Variants in PPP6R3 observed in about 807,000 individuals in gnomAD.
PPP6R3 encodes serine/threonine-protein phosphatase 6 regulatory subunit 3.
Under a neutral mutation model 110.7 loss-of-function variants are expected in PPP6R3, and 38 were observed. The ratio of observed to expected loss-of-function variants is 0.34; its 90% confidence interval spans 0.26 to 0.45. The LOEUF (loss-of-function observed/expected upper bound fraction) is 0.45. Among genes scored for constraint, PPP6R3 ranks in the 20% least tolerant of loss-of-function variants. PPP6R3 has a pLI of 1.00. For missense variants in PPP6R3, 870 were observed against 1,062.4 expected (o/e 0.82, Z 2.52); for synonymous variants, 369 against 373.5 (o/e 0.99, Z 0.14).
intron 10 of PPP6R3, 55 bp downstream of exon 10, chr11:68,567,221 A>G (rs1228513262): frequency 3.1e-5 from 45 of 1,469,920 alleles, no homozygotes; most frequent in South Asian, 5.6e-5. Context: ...TTTCATGGAT[A>G]TTTAACCAAG....
intron 3 of PPP6R3, among the ~76,000 whole-genome samples, chr11:68,541,945 C>G (rs1199871113): frequency 1.3e-5 from 2 of 151,912 alleles, no homozygotes; most frequent in Non-Finnish European, 2.9e-5. Flanking sequence ...AGCCTGGAGG[C>G]AAGCAGAGAC....
intron 1 of PPP6R3, among the ~76,000 whole-genome samples, chr11:68,508,815 TTAGGTTGTGTGACAGGG>T (rs2099092748): frequency 7.9e-5 from 12 of 151,438 alleles, no homozygotes; most frequent in Admixed American, 7.9e-4. Flanking sequence ...TGTGACAGGG[TTAGGTTGTGTGACAGGG>T]TTAGGTTGTG....
At chr11:68,495,432 C>T (rs1196357329) in intron 1 of PPP6R3, among the ~76,000 whole-genome samples, 2 of 152,206 alleles carry the variant, frequency 1.3e-5, no homozygotes, top group Non-Finnish European at 2.9e-5. Context: ...TCATCACAAT[C>T]ACTTAGAATA....
chr11:68,554,489 A>G (rs1404629152), intron 7 of PPP6R3, among the ~76,000 whole-genome samples: 1 of 152,206 alleles, frequency 6.6e-6, no homozygotes, highest in East Asian at 1.9e-4. Context: ...TATTTGTAAA[A>G]TGGAATTCTG....
intron 12 of PPP6R3, among the ~76,000 whole-genome samples, chr11:68,573,864 C>A (rs2099520002): frequency 6.6e-6 from 1 of 152,120 alleles, no homozygotes; most frequent in South Asian, 2.1e-4. Flanking sequence ...TTCGAATAAA[C>A]TGTGGCCTGT....
chr11:68,513,137 G>T (rs2099118954), intron 1 of PPP6R3, among the ~76,000 whole-genome samples: 1 of 152,058 alleles, frequency 6.6e-6, no homozygotes, highest in African/African-American at 2.4e-5. Flanking sequence ...AGGCCCTTTG[G>T]ACTTGGATTG....
At chr11:68,568,925 C>T (rs2099490705) in intron 10 of PPP6R3, among the ~76,000 whole-genome samples, 1 of 152,064 alleles carries the variant, frequency 6.6e-6, no homozygotes, top group Admixed American at 6.5e-5. Flanking sequence ...CCACCACACC[C>T]AGCGATTTTT....
intron 23 of PPP6R3, among the ~76,000 whole-genome samples, chr11:68,611,882 A>C (rs1943624681): frequency 6.6e-6 from 1 of 152,218 alleles, no homozygotes; most frequent in South Asian, 2.1e-4. Flanking sequence ...CAGATACCAC[A>C]GTTCCTTGGA....
At chr11:68,595,812 A>T (rs1316051318) in intron 18 of PPP6R3, among the ~76,000 whole-genome samples, 1 of 152,222 alleles carries the variant, frequency 6.6e-6, no homozygotes, top group Non-Finnish European at 1.5e-5. Flanking sequence ...AATGAACACC[A>T]CAGTGAAATG....
At chr11:68,493,245 G>A (rs12420291) in intron 1 of PPP6R3, among the ~76,000 whole-genome samples, 2,337 of 152,006 alleles carry the variant, frequency 0.015, 225 homozygotes, top group Admixed American at 0.14. Flanking sequence ...CTTACATATG[G>A]GAAGGATAAC....
chr11:68,598,500 T>G (rs1040318331), intron 19 of PPP6R3, among the ~76,000 whole-genome samples: 22 of 152,250 alleles, frequency 1.4e-4, no homozygotes, highest in Admixed American at 2.6e-4. Flanking sequence ...CTCTGTTCCT[T>G]GGGAAAGACA....
At position 68,613,266 on chromosome 11, in the gene PPP6R3, G is replaced by A; in HGVS notation, c.*149G>A. On this transcript the variant is annotated 3_prime_UTR_variant, in exon 24 of 24. Coordinates refer to ENST00000393800, the MANE Select transcript of PPP6R3 (RefSeq NM_001164161.2). ...GCAACCTTTATATTCTAGATTCTAA[G>A]ACATTGTACAGAGAAATTCAGAAGT... 7.1e-7 allele frequency: 1 copy of A among 1,404,012 alleles called. No homozygotes were observed. Among genetic ancestry groups the A allele is most frequent in the African/African-American group, 1.5e-5 (1 of 68,654 alleles). The allele number at this position is 1,404,012 out of a possible 1,614,324, so 87.0% of individuals were successfully genotyped here. A position where few individuals can be genotyped will look rare whatever the true frequency, so the allele number is the denominator to read the frequency against.
At chr11:68,461,422 C>T (rs1358089126) in intron 1 of PPP6R3, among the ~76,000 whole-genome samples, 1 of 127,888 alleles carries the variant, frequency 7.8e-6, no homozygotes, top group Admixed American at 1.0e-4. Context: ...TTCCCAGTGG[C>T]TTTTTAACTC....
intron 22 of PPP6R3, among the ~76,000 whole-genome samples, chr11:68,606,101 A>C (rs1939601980): frequency 6.6e-6 from 1 of 152,150 alleles, no homozygotes; most frequent in African/African-American, 2.4e-5. Flanking sequence ...TATAATGATT[A>C]GTTAGGGTTT....
intron 8 of PPP6R3, among the ~76,000 whole-genome samples, chr11:68,559,487 C>T (rs1251688293): frequency 6.6e-6 from 1 of 152,118 alleles, no homozygotes; most frequent in Non-Finnish European, 1.5e-5. Flanking sequence ...AGAGTGCATC[C>T]TTAGCATATG....
chr11:68,612,024 TATTTC>T (rs1943693020), intron 23 of PPP6R3, among the ~76,000 whole-genome samples: 1 of 152,250 alleles, frequency 6.6e-6, no homozygotes, highest in South Asian at 2.1e-4. Context: ...ATTATGTACT[TATTTC>T]ATATGTATAC....
chr11:68,612,970 A>ATAAG, intron 23 of PPP6R3, 96 bp from the exon 24 acceptor site: 1 of 1,581,294 alleles, frequency 6.3e-7, no homozygotes, highest in Non-Finnish European at 8.6e-7. Context: ...CAATGTTAAA[A>ATAAG]TAAGTTGTCC....
rs764314539 is a variant in PPP6R3 at position 68,564,365 on chromosome 11, A to G, written c.908A>G (p.Lys303Arg). 16 of 1,613,260 alleles carry G rather than the reference A, an allele frequency of 9.9e-6. No individual in the cohort carries two copies. In the Middle Eastern group the frequency reaches 4.9e-4, roughly 50 times the overall value. ...GMSHSACSVN[K>R]SVLEAIRGRL... is the part of the protein sequence containing the mutation. ...AGCCATTCAGCTTGTTCAGTAAACA[A>G]GAGTGTTCTAGAAGCCATCAGAGGA... The change falls in exon 9 of 24, where the codon AAG becomes AGG. Residue 303 changes from lysine (K) to arginine (R), a missense_variant. Transcript: ENST00000393800.
chr11:68,609,528 A>G, intron 22 of PPP6R3: 18 of 1,452,082 alleles, frequency 1.2e-5, no homozygotes, highest in Non-Finnish European at 1.6e-5. Flanking sequence ...TCGTGGACAT[A>G]TTATTCCCCC....
Sources: gnomAD v4.1 joint callset for allele counts (sites outside exome capture counted in the v4.1 genomes callset) on GRCh38, gnomAD v4.1.1 for gene constraint, MANE v1.5 for transcripts, NCBI Gene and HGNC (gene_info 2026-07-23, HGNC 2026-07-21) for gene names.